Variants in CCDC60 observed in about 807,000 individuals in gnomAD.
The protein encoded by CCDC60 is coiled-coil domain containing 60.
In CCDC60, 54 loss-of-function variants were observed where a neutral mutation model predicts 63.5. The ratio of observed to expected loss-of-function variants is 0.85; its 90% CI spans 0.68 to 1.07. The LOEUF (loss-of-function observed/expected upper bound fraction) is 1.07, where lower values mean the gene tolerates loss of function less well. CCDC60 is among the 50% of genes least tolerant of loss of function. The pLI is 0.00. For synonymous variants in CCDC60, 206 were observed against 238.8 expected (o/e 0.86, Z 1.27); for missense variants, 651 against 684.3 (o/e 0.95, Z 0.54).
Position 119,420,312 on chromosome 12 carries a change from C to T in CCDC60, c.91-8371C>T, listed in dbSNP as rs1956789741. Among the ~76,000 whole-genome samples the T allele has an allele frequency of 6.6e-6, 1 of 152,062 alleles. No individual in the cohort carries two copies. Among genetic ancestry groups the T allele is most frequent in the South Asian group, 2.1e-4 (1 of 4,812 alleles). ...ATGACAAAAAAAATACCTCACTCTCCCCAAAAGGAACTGCCTATCAACACC... is the reference window on the plus strand; with the variant it reads ...ATGACAAAAAAAATACCTCACTCTCTCCAAAAGGAACTGCCTATCAACACC... On this transcript the variant is annotated intron_variant, in intron 1 of 13. Transcript: ENST00000327554. The surrounding 1 kb of genome is among the most constrained non-coding windows in gnomAD (Gnocchi z 4.1).
intron 2 of CCDC60, among the ~76,000 whole-genome samples, chr12:119,468,749 T>C (rs1407354045): frequency 1.3e-5 from 2 of 152,004 alleles, no homozygotes; most frequent in African/African-American, 4.8e-5. Context: ...ATAAGATGGT[T>C]CTTTCTTATC....
intron 2 of CCDC60, among the ~76,000 whole-genome samples, chr12:119,462,968 C>T (rs1055932451): frequency 2.0e-5 from 3 of 152,100 alleles, no homozygotes; most frequent in African/African-American, 7.2e-5. Flanking sequence ...GTACTACAGG[C>T]GCTTGCCACC....
chr12:119,494,839 G>C (rs562112334), intron 5 of CCDC60, among the ~76,000 whole-genome samples: 1 of 152,160 alleles, frequency 6.6e-6, no homozygotes. Context: ...AATTAGCCAG[G>C]CTTGGTGGCA....
intron 8 of CCDC60, among the ~76,000 whole-genome samples, chr12:119,517,553 G>A (rs1952387133): frequency 6.6e-6 from 1 of 152,170 alleles, no homozygotes. Context: ...TTTAAGCTGA[G>A]ATTTGGATAA....
At chr12:119,519,246 G>T (rs1259343607) in intron 8 of CCDC60, among the ~76,000 whole-genome samples, 1 of 152,044 alleles carries the variant, frequency 6.6e-6, no homozygotes. Flanking sequence ...AGGCCGGGCT[G>T]CCCCCTAGCC....
rs1950742246 is a variant in CCDC60, at chr12:119,456,059, G to GAAAGAAAGA, written c.171-15931_171-15930insAAAGAAAAG. 8.2e-6 allele frequency among the ~76,000 whole-genome samples: 1 copy of GAAAGAAAGA among 121,644 alleles called. No individual in the cohort carries two copies. The highest frequency in any genetic ancestry group is 3.3e-4 in the South Asian group (1 of 3,060). 79.8% of individuals were successfully genotyped at this position (121,644 alleles called of 152,430 possible). Reference sequence around the variant, plus strand: ...AGAAAGAAAGAAAGAAAGAAAGAAAGAAAGCAAGCAAGCATGTGCAATTTC... The same window carrying GAAAGAAAGA: ...AGAAAGAAAGAAAGAAAGAAAGAAAGAAAGAAAGAAAAGCAAGCAAGCATGTGCAATTTC... On this transcript the variant is annotated intron_variant, in intron 2 of 13. Coordinates refer to ENST00000327554, the MANE Select transcript of CCDC60 (RefSeq NM_178499.5). This position sits in a 1 kb window ranked among gnomAD's most constrained non-coding sequence, Gnocchi z 4.6.
chr12:119,461,905 T>A (rs1950862728), intron 2 of CCDC60, among the ~76,000 whole-genome samples: 1 of 152,186 alleles, frequency 6.6e-6, no homozygotes, highest in Non-Finnish European at 1.5e-5. Flanking sequence ...TAAGCGTTTT[T>A]AAATGGGCCT....
rs1348790148 is a variant in CCDC60, at chr12:119,539,720, A to C, written c.1552-894A>C. 5.3e-5 allele frequency among the ~76,000 whole-genome samples: 8 copies of C among 152,290 alleles called. No individual in the cohort carries two copies. In the East Asian group the frequency reaches 1.5e-3, roughly 29 times the overall value. On this transcript the variant is annotated intron_variant, in intron 13 of 13. Transcript: ENST00000327554. Reference sequence around the variant, plus strand: ...GTCTCTCACTGGCATTCCAGGTGCCACAGGGGTATAAGAAAAAAACTCCTG... The same window carrying C: ...GTCTCTCACTGGCATTCCAGGTGCCCCAGGGGTATAAGAAAAAAACTCCTG...
intron 1 of CCDC60, among the ~76,000 whole-genome samples, chr12:119,398,063 G>A (rs1804018804): frequency 1.1e-5 from 1 of 88,160 alleles, no homozygotes; most frequent in African/African-American, 4.4e-5. Flanking sequence ...GGAAGGGGGT[G>A]GGGGGAGAGG....
At chr12:119,478,550 T>C (rs1951229857) in intron 3 of CCDC60, among the ~76,000 whole-genome samples, 1 of 151,698 alleles carries the variant, frequency 6.6e-6, no homozygotes, top group African/African-American at 2.4e-5. Flanking sequence ...GCATGATTTA[T>C]CTTGTTTATT....
At chr12:119,339,720 C>T (rs987480124) in intron 1 of CCDC60, among the ~76,000 whole-genome samples, 2 of 152,040 alleles carry the variant, frequency 1.3e-5, no homozygotes, top group Admixed American at 6.6e-5. Context: ...AGGCAGGAGG[C>T]TTGCTTGAGC....
intron 8 of CCDC60, 114 bp from the exon 9 acceptor site, chr12:119,520,007 A>T: frequency 1.2e-6 from 1 of 857,408 alleles, no homozygotes; most frequent in Non-Finnish European, 1.9e-6. Context: ...TGTGCTCAGT[A>T]GAGTCTGAAG....
chr12:119,540,226 G>A (rs775140521), intron 13 of CCDC60, among the ~76,000 whole-genome samples: 1 of 152,106 alleles, frequency 6.6e-6, no homozygotes, highest in Non-Finnish European at 1.5e-5. Flanking sequence ...CCCTTTCCAG[G>A]AAATTAAGCC....
At chr12:119,407,174 G>A (rs1481021059) in intron 1 of CCDC60, among the ~76,000 whole-genome samples, 1 of 152,014 alleles carries the variant, frequency 6.6e-6, no homozygotes. Context: ...AACACTAGAA[G>A]CCAGGTGGCC....
intron 7 of CCDC60, among the ~76,000 whole-genome samples, chr12:119,512,302 C>A (rs1952233437): frequency 6.6e-6 from 1 of 152,206 alleles, no homozygotes; most frequent in African/African-American, 2.4e-5. Flanking sequence ...CCAAATCCTT[C>A]CTTCTATTTC....
intron 2 of CCDC60, among the ~76,000 whole-genome samples, chr12:119,460,887 G>T (rs1295435235): frequency 1.3e-5 from 2 of 152,256 alleles, no homozygotes; most frequent in African/African-American, 4.8e-5. Flanking sequence ...ATGGTCTAAA[G>T]GGGGAAAAGG....
chr12:119,425,016 GAA>G (rs11356472), intron 1 of CCDC60, among the ~76,000 whole-genome samples: 1 of 149,870 alleles, frequency 6.7e-6, no homozygotes, highest in Non-Finnish European at 1.5e-5. Context: ...GGTGACATTT[GAA>G]AAAAAAAATG....
intron 7 of CCDC60, 52 bp downstream of exon 7, chr12:119,505,355 C>A: frequency 7.7e-7 from 1 of 1,297,248 alleles, no homozygotes; most frequent in Non-Finnish European, 1.1e-6. Flanking sequence ...TGCCTTTAAG[C>A]CAGACATCAA....
intron 1 of CCDC60, among the ~76,000 whole-genome samples, chr12:119,378,666 C>T (rs946192882): frequency 4.6e-5 from 7 of 152,154 alleles, no homozygotes; most frequent in African/African-American, 1.7e-4. Flanking sequence ...AAACATGGTG[C>T]CTGCCTCCCC....
Sources: allele counts gnomAD v4.1 joint callset (sites outside exome capture counted in the v4.1 genomes callset), GRCh38; gene constraint gnomAD v4.1.1; non-coding constraint Gnocchi (gnomAD v3.1); transcripts MANE v1.5; gene names NCBI Gene and HGNC (gene_info 2026-07-23, HGNC 2026-07-21).